The following ARHGEF26 variants were observed in gnomAD, a reference collection of about 807,000 sequenced individuals.
The protein encoded by ARHGEF26 is Rho guanine nucleotide exchange factor (GEF) 26.
ARHGEF26 carries 59 observed loss-of-function variants against 89.4 expected under a neutral mutation model. That is an observed-to-expected ratio of 0.66 (90% CI 0.54 to 0.82). ARHGEF26 has a LOEUF of 0.82. Ranked by LOEUF, ARHGEF26 falls within the 40% of genes least tolerant of loss-of-function variation. The pLI, the probability that ARHGEF26 is intolerant of heterozygous loss-of-function variation, is 0.00. For missense variants in ARHGEF26, 1,234 were observed against 1,085.6 expected, an observed-to-expected ratio of 1.14 and a Z score of -1.92; for synonymous variants, 500 against 428.4, an observed-to-expected ratio of 1.17 and a Z score of -2.06.
intron 9 of ARHGEF26, among the ~76,000 whole-genome samples, chr3:154,210,757 T>C (rs1576783503): frequency 6.6e-6 from 1 of 151,168 alleles, no homozygotes; most frequent in Non-Finnish European, 1.5e-5. Flanking sequence ...GCCTGGCCAA[T>C]ATGGCGAAAC....
intron 4 of ARHGEF26, among the ~76,000 whole-genome samples, chr3:154,134,576 AT>A (rs1461872886): frequency 1.3e-5 from 2 of 152,084 alleles, no homozygotes; most frequent in African/African-American, 2.4e-5. Context: ...TCAATATGAG[AT>A]TTGGGCAGGG....
At chr3:154,193,053 A>ACC (rs34507627) in intron 8 of ARHGEF26, among the ~76,000 whole-genome samples, 23 of 151,728 alleles carry the variant, frequency 1.5e-4, no homozygotes, top group East Asian at 1.4e-3. Flanking sequence ...TAAGCCACAG[A>ACC]CCCCCCCTTG....
intron 5 of ARHGEF26, among the ~76,000 whole-genome samples, chr3:154,149,898 T>C (rs1719917401): frequency 6.7e-6 from 1 of 150,360 alleles, no homozygotes; most frequent in Admixed American, 6.7e-5. Flanking sequence ...AAATTTAAAA[T>C]TATACCAAAA....
At chr3:154,215,929 A>G (rs1028367667) in intron 9 of ARHGEF26, among the ~76,000 whole-genome samples, 1 of 152,206 alleles carries the variant, frequency 6.6e-6, no homozygotes, top group African/African-American at 2.4e-5. Context: ...GAAAAAAGAA[A>G]AAAGACATAC....
At chr3:154,181,895 C>T (rs555154366) in intron 6 of ARHGEF26, among the ~76,000 whole-genome samples, 5 of 152,070 alleles carry the variant, frequency 3.3e-5, no homozygotes, top group South Asian at 2.1e-4. Flanking sequence ...AATAATAGAA[C>T]GAAATTCTTT....
Position 154,122,201 on chromosome 3 carries a change from C to T in ARHGEF26, c.209C>T (p.Thr70Ile). 1.2e-6 allele frequency: 2 copies of T among 1,603,508 alleles called. No individual in the cohort carries two copies. Among genetic ancestry groups the T allele is most frequent in the Admixed American group, 3.4e-5 (2 of 58,468 alleles). Residue 70 changes from threonine to isoleucine, a missense_variant, in exon 2 of 15, where the codon ACC (threonine) becomes ATC (isoleucine). Thr to Ile is a moderately conservative substitution (Grantham distance 89). Coordinates refer to ENST00000465093, the MANE Select transcript of ARHGEF26 (RefSeq NM_015595.4). ...GCGCAGATTCCCGCCCAGGTGCCCA[C>T]CGCCTCGGACAGCAGGACGGTACAT... is the stretch of plus-strand genomic sequence containing the variant. The part of the protein sequence containing the change: ...LAAQIPAQVP[T>I]ASDSRTVHRS...
intron 9 of ARHGEF26, among the ~76,000 whole-genome samples, chr3:154,211,910 T>A (rs1029588033): frequency 3.3e-5 from 5 of 151,886 alleles, no homozygotes; most frequent in Non-Finnish European, 7.4e-5. Flanking sequence ...GTAGAAATAG[T>A]CCCAGAATCA....
At chr3:154,231,876 CAT>C (rs201684620) in intron 11 of ARHGEF26, among the ~76,000 whole-genome samples, 1,843 of 150,432 alleles carry the variant, frequency 0.012, 37 homozygotes, top group African/African-American at 0.043. Context: ...TGGTGTAAAT[CAT>C]GTGTACACGT....
chr3:154,204,739 C>T (rs9818694), intron 9 of ARHGEF26, among the ~76,000 whole-genome samples: 27,326 of 152,052 alleles, frequency 0.18, 2,728 homozygotes, highest in South Asian at 0.34. Flanking sequence ...TCATTTGTTT[C>T]AAGAAATTTT....
chr3:154,122,538 C>A lies in ARHGEF26; in HGVS notation c.546C>A (p.Asn182Lys). ...SPTANGLAAN[N>K]DSPGSGSQSG... ...CTGCAAATGGCCTTGCCGCTAATAA[C>A]GACTCTCCTGGGTCAGGTTCGCAGT... Residue 182 changes from asparagine (N) to lysine (K), a missense_variant, in exon 2 of 15, where the codon AAC (asparagine) becomes AAA (lysine). Asn to Lys is a moderately conservative substitution (Grantham distance 94). Transcript: ENST00000465093. The A allele has an allele frequency of 6.2e-7, 1 of 1,613,538 alleles. No homozygotes were observed. The highest frequency in any genetic ancestry group is 2.2e-5 in the East Asian group (1 of 44,858).
At chr3:154,152,108 C>T (rs1720060629) in intron 5 of ARHGEF26, among the ~76,000 whole-genome samples, 1 of 152,094 alleles carries the variant, frequency 6.6e-6, no homozygotes, top group Non-Finnish European at 1.5e-5. Context: ...GTCCTTTGCT[C>T]CTTCTTGAGA....
intron 9 of ARHGEF26, among the ~76,000 whole-genome samples, chr3:154,201,846 G>A (rs1338946287): frequency 6.6e-6 from 1 of 152,052 alleles, no homozygotes; most frequent in Non-Finnish European, 1.5e-5. Flanking sequence ...CTTGTTGATG[G>A]GGTTGTTTGT....
Position 154,256,396 on chromosome 3 carries a change from T to C in ARHGEF26, c.*923T>C. 1 of 763,218 alleles carries C rather than the reference T, an allele frequency of 1.3e-6. No individual in the cohort carries two copies. The highest frequency in any genetic ancestry group is 1.6e-6 in the Non-Finnish European group (1 of 628,758). The allele number at this position is 763,218 out of a possible 1,614,324, so 47.3% of individuals were successfully genotyped here. On this transcript the variant is annotated 3_prime_UTR_variant, in exon 15 of 15. Transcript: ENST00000465093. ...TGCCACCACGCCCAGCTACTTTTTG[T>C]ATTTTTAGTAGAGACAGGGTTTCAT...
rs1714172590 is a variant in ARHGEF26 at position 154,194,663 on chromosome 3, C to G, written c.1790C>G (p.Pro597Arg). The change falls in exon 9 of 15, where the codon CCT becomes CGT. Residue 597 changes from proline to arginine, a missense_variant. Transcript: ENST00000465093. ...TTACAGACTATCTGTCAAAAAACAC[C>G]TAAGGACTCTCCGAAGTATGAAGTC... ...LLMDTICQKT[P>R]KDSPKYEVCK... is the part of the protein sequence containing the mutation. 3.7e-6 allele frequency: 6 copies of G among 1,611,978 alleles called. No homozygotes were observed. The highest frequency in any genetic ancestry group is 5.1e-6 in the Non-Finnish European group (6 of 1,179,136).
At chr3:154,124,371 C>CCTTTTTTTTTTTTTTTTTTTTTTTTT in intron 2 of ARHGEF26, 39 bp from the exon 3 acceptor site, 1 of 977,570 alleles carries the variant, frequency 1.0e-6, no homozygotes, top group South Asian at 1.8e-5. Flanking sequence ...GTTTGCTTTT[C>CCTTTTTTTTTTTTTTTTTTTTTTTTT]CTTTTTTTTT....
intron 12 of ARHGEF26, among the ~76,000 whole-genome samples, chr3:154,250,792 C>T (rs1049396168): frequency 5.3e-5 from 8 of 152,128 alleles, no homozygotes; most frequent in African/African-American, 1.9e-4. Flanking sequence ...ATTTTGTTTT[C>T]GATTGGCTTT....
chr3:154,151,045 C>T (rs1719989191), intron 5 of ARHGEF26, among the ~76,000 whole-genome samples: 2 of 152,136 alleles, frequency 1.3e-5, no homozygotes, highest in South Asian at 2.1e-4. Flanking sequence ...TACACACTCT[C>T]TCCTTGATGT....
At chr3:154,240,273 C>T in intron 11 of ARHGEF26, 97 bp from the exon 12 acceptor site, 1 of 782,176 alleles carries the variant, frequency 1.3e-6, no homozygotes, top group Non-Finnish European at 2.0e-6. Context: ...CCTTCCTGCC[C>T]ACTCCTTGCT....
chr3:154,173,817 T>A (rs1712624646), intron 6 of ARHGEF26, among the ~76,000 whole-genome samples: 2 of 152,164 alleles, frequency 1.3e-5, no homozygotes, highest in South Asian at 4.1e-4. Context: ...GAGCAGAAGT[T>A]TAATGAGTCC....
Sources: gnomAD v4.1 joint callset for allele counts (sites outside exome capture counted in the v4.1 genomes callset) on GRCh38, gnomAD v4.1.1 for gene constraint, MANE v1.5 for transcripts, NCBI Gene and HGNC (gene_info 2026-07-23, HGNC 2026-07-21) for gene names.